The following TTC7B variants were observed in gnomAD, a reference collection of about 807,000 sequenced individuals.
TTC7B encodes the protein tetratricopeptide repeat protein 7B.
A neutral mutation model predicts 106.8 loss-of-function variants in TTC7B; 28 were observed. That is an observed-to-expected ratio of 0.26 (90% confidence interval 0.19 to 0.36). The LOEUF (loss-of-function observed/expected upper bound fraction) is 0.36. Among genes scored for constraint, TTC7B ranks in the 10% least tolerant of loss-of-function variants. The pLI is 1.00. For missense variants in TTC7B, 862 were observed against 1,076.4 expected (o/e 0.80, Z 2.79); for synonymous variants, 405 against 430.6 (o/e 0.94, Z 0.74).
At position 90,807,061 on chromosome 14, in the gene TTC7B, T is replaced by C. The variant is rs979941812; in HGVS notation, c.121+9114A>G. On this transcript the variant is annotated intron_variant, in intron 1 of 19. Transcript: ENST00000328459. The surrounding 1 kb of genome is among the most constrained non-coding windows in gnomAD (Gnocchi z 4.1). ...GGGGTTCCTTTCCCCTTTGCTAAAA[T>C]ACCTCTATCTACCTGAAAGACTACC... is the stretch of plus-strand genomic sequence containing the variant. Among the ~76,000 whole-genome samples the C allele has an allele frequency of 1.5e-4, 23 of 152,142 alleles. No individual in the cohort carries two copies. Among genetic ancestry groups the C allele is most frequent in the African/African-American group, 5.3e-4 (22 of 41,426 alleles).
intron 5 of TTC7B, among the ~76,000 whole-genome samples, chr14:90,727,890 G>A (rs555455219): frequency 1.3e-5 from 2 of 152,286 alleles, no homozygotes; most frequent in South Asian, 2.1e-4. Flanking sequence ...ACAAGGAAGC[G>A]TGGGAAGCTG....
intron 2 of TTC7B, among the ~76,000 whole-genome samples, chr14:90,782,703 T>C (rs908494082): frequency 9.9e-5 from 15 of 152,160 alleles, no homozygotes; most frequent in Admixed American, 3.3e-4. Flanking sequence ...TCTACCCTCC[T>C]TCCCCAAGCT....
rs1368548179 is a variant in TTC7B at position 90,538,354 on chromosome 14, T to C, written c.*3014A>G. 1 of 151,558 alleles carries C rather than the reference T, an allele frequency of 6.6e-6. No individual in the cohort carries two copies. The highest frequency in any genetic ancestry group is 1.9e-4 in the East Asian group (1 of 5,154). The allele number at this position is 151,558 out of a possible 1,614,324, so 9.4% of individuals were successfully genotyped here. On this transcript the variant is annotated 3_prime_UTR_variant, in exon 20 of 20. Transcript: ENST00000328459. ...TGGACGGATGGATGAATGTCCTTAG[T>C]TGGGAAAGGCTCAGCAGGTCAGAAG...
intron 14 of TTC7B, among the ~76,000 whole-genome samples, chr14:90,645,320 C>G (rs1349430603): frequency 6.6e-6 from 1 of 152,192 alleles, no homozygotes; most frequent in African/African-American, 2.4e-5. Flanking sequence ...TGCTTTGGAA[C>G]CATAGAATCA....
chr14:90,571,257 A>C (rs1891022794), intron 19 of TTC7B, among the ~76,000 whole-genome samples: 1 of 152,250 alleles, frequency 6.6e-6, no homozygotes, highest in Non-Finnish European at 1.5e-5. Context: ...GAAGAAGCTA[A>C]AACTATCAAG....
At chr14:90,717,796 G>T (rs1888717546) in intron 5 of TTC7B, among the ~76,000 whole-genome samples, 1 of 152,240 alleles carries the variant, frequency 6.6e-6, no homozygotes, top group Non-Finnish European at 1.5e-5. Flanking sequence ...GAAAAGGCAG[G>T]TAGGTGATTG....
chr14:90,730,180 A>C lies in TTC7B; in HGVS notation c.593T>G (p.Ile198Ser). ...QEIERVILSN[I>S]QNRSPKPGPA... ...GCCAGGCTTAGGGCTTCTGTTTTGA[A>C]TATTAGAAAGTATTACCTAGAAGGG... Residue 198 changes from isoleucine to serine, a missense_variant, in exon 5 of 20, where the codon ATT becomes AGT. Physicochemically the swap from Ile to Ser is moderately radical, Grantham distance 142 (BLOSUM62 -2). Transcript: ENST00000328459. 2 of 1,604,004 alleles carry C rather than the reference A, an allele frequency of 1.2e-6. No individual in the cohort carries two copies. Among genetic ancestry groups the C allele is most frequent in the Non-Finnish European group, 1.7e-6 (2 of 1,177,454 alleles).
chr14:90,725,271 G>A (rs1006484927), intron 5 of TTC7B, among the ~76,000 whole-genome samples: 2 of 152,194 alleles, frequency 1.3e-5, no homozygotes, highest in African/African-American at 4.8e-5. Flanking sequence ...AGCAAAGCAT[G>A]CTCACGTCCT....
chr14:90,771,891 ATATATATG>A (rs898314133), intron 3 of TTC7B, among the ~76,000 whole-genome samples: 13 of 146,264 alleles, frequency 8.9e-5, no homozygotes, highest in African/African-American at 3.2e-4. Flanking sequence ...AAGTATATAC[ATATATATG>A]TATATATTTC....
chr14:90,763,896 A>G (rs547175260), intron 3 of TTC7B, among the ~76,000 whole-genome samples: 1 of 152,348 alleles, frequency 6.6e-6, no homozygotes, highest in South Asian at 2.1e-4. Context: ...TTGTTAAGAA[A>G]GCAATACTTC....
At chr14:90,574,613 G>A (rs1178170734) in intron 19 of TTC7B, among the ~76,000 whole-genome samples, 1 of 152,188 alleles carries the variant, frequency 6.6e-6, no homozygotes. Flanking sequence ...AGTCACTCTT[G>A]CTTTTTAACA....
rs114964979 is a variant in TTC7B at position 90,808,632 on chromosome 14, C to T, written c.121+7543G>A. ...CGTCTTTCATATTTTATATGGCACC[C>T]ATTTGACCTATCTCTGGGTCAGACA... On this transcript the variant is annotated intron_variant, in intron 1 of 19. Coordinates refer to ENST00000328459, the MANE Select transcript of TTC7B (RefSeq NM_001010854.2). This position sits in a 1 kb window ranked among gnomAD's most constrained non-coding sequence, Gnocchi z 4.2. Among the ~76,000 whole-genome samples the T allele has an allele frequency of 1.8e-3, 267 of 152,256 alleles. 1 individual carries two copies. Among genetic ancestry groups the T allele is most frequent in the African/African-American group, 6.3e-3 (262 of 41,552 alleles).
chr14:90,765,329 G>A (rs1254879253), intron 3 of TTC7B, among the ~76,000 whole-genome samples: 1 of 152,180 alleles, frequency 6.6e-6, no homozygotes, highest in Non-Finnish European at 1.5e-5. Flanking sequence ...GAAATGGGAA[G>A]TGACTGCTAA....
chr14:90,541,965 A>G (rs967912516), intron 19 of TTC7B, among the ~76,000 whole-genome samples: 8 of 152,162 alleles, frequency 5.3e-5, no homozygotes, highest in Admixed American at 5.2e-4. Context: ...TTTGAGATGG[A>G]GTCTCGCTCT....
chr14:90,544,206 C>T lies in TTC7B; in HGVS notation c.2311-2617G>A, dbSNP rs991536615. Among the ~76,000 whole-genome samples the T allele has an allele frequency of 2.6e-5, 4 of 152,346 alleles. No individual in the cohort carries two copies. The East Asian group carries it at 7.7e-4, about 29-fold the overall frequency. ...TCAGGTAGAGATGGCTGCCCTCCCCCGTCTGGGAACAGCAGGCTTCAGGGT... is the reference window on the plus strand; with the variant it reads ...TCAGGTAGAGATGGCTGCCCTCCCCTGTCTGGGAACAGCAGGCTTCAGGGT... On this transcript the variant is annotated intron_variant, in intron 19 of 19. Transcript: ENST00000328459.
At chr14:90,783,134 C>G (rs1001743896) in intron 2 of TTC7B, among the ~76,000 whole-genome samples, 11 of 152,164 alleles carry the variant, frequency 7.2e-5, no homozygotes, top group Admixed American at 4.6e-4. Context: ...GGAGAACAGC[C>G]CCAACACAGT....
At chr14:90,758,394 G>C (rs1298865826) in intron 3 of TTC7B, among the ~76,000 whole-genome samples, 3 of 128,678 alleles carry the variant, frequency 2.3e-5, no homozygotes, top group African/African-American at 8.8e-5. Context: ...CGGGGCAAGA[G>C]AGTGGGGCGG....
intron 2 of TTC7B, among the ~76,000 whole-genome samples, chr14:90,782,811 G>A (rs941777948): frequency 6.6e-6 from 1 of 152,172 alleles, no homozygotes; most frequent in African/African-American, 2.4e-5. Flanking sequence ...TTCGCTCTGG[G>A]AAGATGCAAA....
In TTC7B at chr14:90,578,861, C is replaced by T. The variant is rs1284247408; in HGVS notation, c.2108-553G>A. On this transcript the variant is annotated intron_variant, in intron 18 of 19. Transcript: ENST00000328459. This position sits in a 1 kb window ranked among gnomAD's most constrained non-coding sequence, Gnocchi z 4.7. Reference sequence around the variant, plus strand: ...CGCCACACCTGGCCCCTGAGCTCACCTCTGACCAGGGGAAGTTGATGCACC... The same window carrying T: ...CGCCACACCTGGCCCCTGAGCTCACTTCTGACCAGGGGAAGTTGATGCACC... 2.0e-5 allele frequency among the ~76,000 whole-genome samples: 3 copies of T among 152,172 alleles called. No homozygotes were observed. Among genetic ancestry groups the T allele is most frequent in the Non-Finnish European group, 4.4e-5 (3 of 68,032 alleles).
Sources: gnomAD v4.1 joint callset for allele counts (sites outside exome capture counted in the v4.1 genomes callset) on GRCh38, gnomAD v4.1.1 for gene constraint, Gnocchi (gnomAD v3.1) non-coding constraint, MANE v1.5 for transcripts, NCBI Gene and HGNC (gene_info 2026-07-23, HGNC 2026-07-21) for gene names.